Variants in PCDH15 observed in about 807,000 individuals in gnomAD.
The protein encoded by PCDH15 is protocadherin related 15.
PCDH15 carries 129 observed loss-of-function variants against 178.5 expected under a neutral mutation model. The observed-to-expected ratio is 0.72, with a 90% CI of 0.63 to 0.84. The LOEUF (loss-of-function observed/expected upper bound fraction) is 0.84, where lower values mean the gene tolerates loss of function less well. Ranked by LOEUF, PCDH15 falls within the 40% of genes least tolerant of loss-of-function variation. The pLI is 0.00. For missense variants in PCDH15, 2,230 were observed against 2,099.9 expected, an observed-to-expected ratio of 1.06 and a Z score of -1.21; for synonymous variants, 800 against 732.0, an observed-to-expected ratio of 1.09 and a Z score of -1.50.
chr10:55,247,206 T>C (rs114995432), intron 1 of PCDH15, among the ~76,000 whole-genome samples: 2,763 of 152,318 alleles, frequency 0.018, 37 homozygotes, highest in African/African-American at 0.036. Flanking sequence ...TTAGTTTAGA[T>C]TTTTCAACAC....
intron 2 of PCDH15, among the ~76,000 whole-genome samples, chr10:55,552,107 C>A (rs952572716): frequency 6.6e-6 from 1 of 151,776 alleles, no homozygotes; most frequent in Admixed American, 6.6e-5. Flanking sequence ...ATTCATACTG[C>A]GTAGTCAGAC....
rs564575857 is a variant in PCDH15, at chr10:54,026,508, C to G, written c.2221-3311G>C. Among the ~76,000 whole-genome samples the G allele has an allele frequency of 2.0e-5, 3 of 152,266 alleles. No homozygotes were observed. The South Asian group carries it at 6.2e-4, about 32-fold the overall frequency. The stretch of plus-strand genomic sequence containing the variant: ...TAAATTGGTATAAATTACGATATGT[C>G]AAGTACACACACATTTTGACTGAAT... On this transcript the variant is annotated intron_variant, in intron 18 of 37. Coordinates refer to ENST00000644397, the MANE Select transcript of PCDH15 (RefSeq NM_001384140.1).
intron 13 of PCDH15, among the ~76,000 whole-genome samples, chr10:54,161,864 G>A (rs1172782902): frequency 6.6e-6 from 1 of 151,998 alleles, no homozygotes; most frequent in East Asian, 1.9e-4. Context: ...TTGGGGAGAT[G>A]GATTTGAGAC....
intron 3 of PCDH15, among the ~76,000 whole-genome samples, chr10:54,500,785 T>G (rs530632478): frequency 3.3e-4 from 50 of 152,112 alleles, no homozygotes; most frequent in Non-Finnish European, 4.3e-4. Flanking sequence ...ATCATGCCAC[T>G]GCACTCCAGC....
chr10:54,436,751 A>G (rs1470318206), intron 3 of PCDH15, among the ~76,000 whole-genome samples: 6 of 152,212 alleles, frequency 3.9e-5, no homozygotes, highest in Non-Finnish European at 8.8e-5. Flanking sequence ...TTAAGTACCT[A>G]CTAAAGTCTA....
At chr10:54,888,012 T>A (rs1308159744) in intron 3 of PCDH15, among the ~76,000 whole-genome samples, 2 of 152,110 alleles carry the variant, frequency 1.3e-5, no homozygotes, top group Non-Finnish European at 2.9e-5. Flanking sequence ...CCACAATGAG[T>A]ATTTTTTAAA....
intron 1 of PCDH15, among the ~76,000 whole-genome samples, chr10:54,705,839 C>G (rs931065351): frequency 6.6e-6 from 1 of 152,076 alleles, no homozygotes; most frequent in African/African-American, 2.4e-5. Flanking sequence ...TAGTTTTACT[C>G]AAATTATAGG....
At chr10:55,314,306 T>A (rs947451599) in intron 1 of PCDH15, among the ~76,000 whole-genome samples, 1 of 151,462 alleles carries the variant, frequency 6.6e-6, no homozygotes, top group African/African-American at 2.4e-5. Flanking sequence ...TTTCTCTTTA[T>A]ACATTTTCTC....
intron 2 of PCDH15, among the ~76,000 whole-genome samples, chr10:55,444,284 TAA>T (rs76682014): frequency 6.8e-6 from 1 of 146,438 alleles, no homozygotes; most frequent in Non-Finnish European, 1.5e-5. Context: ...AAAGTGTAAT[TAA>T]AAAAAAAAAA....
chr10:54,178,840 G>C (rs1415371991), intron 13 of PCDH15, among the ~76,000 whole-genome samples: 2 of 152,138 alleles, frequency 1.3e-5, no homozygotes, highest in African/African-American at 4.8e-5. Context: ...CTGGCCATCA[G>C]AGAAATGCAA....
intron 2 of PCDH15, among the ~76,000 whole-genome samples, chr10:55,603,193 G>T (rs570106420): frequency 6.6e-6 from 1 of 152,200 alleles, no homozygotes; most frequent in African/African-American, 2.4e-5. Context: ...AGAGAAAAAA[G>T]AATAAAAAGA....
At chr10:53,863,783 C>T (rs1177582585) in intron 27 of PCDH15, among the ~76,000 whole-genome samples, 2 of 152,000 alleles carry the variant, frequency 1.3e-5, no homozygotes, top group South Asian at 2.1e-4. Flanking sequence ...CTAGAGCTGG[C>T]GAGTGGGAAT....
intron 2 of PCDH15, among the ~76,000 whole-genome samples, chr10:55,424,028 A>T (rs961532427): frequency 1.3e-5 from 2 of 152,114 alleles, no homozygotes; most frequent in South Asian, 2.1e-4. Flanking sequence ...AGAAGGTCTA[A>T]TATCTCAAAC....
intron 1 of PCDH15, among the ~76,000 whole-genome samples, chr10:54,766,792 G>A (rs930180669): frequency 6.6e-6 from 1 of 151,936 alleles, no homozygotes; most frequent in Non-Finnish European, 1.5e-5. Context: ...AGCCAGGCGC[G>A]GTGGCAGGCG....
Position 54,231,401 on chromosome 10 carries a change from G to A in PCDH15, c.985+5422C>T, listed in dbSNP as rs183489037. Among the ~76,000 whole-genome samples the A allele has an allele frequency of 7.9e-5, 12 of 152,352 alleles. No individual in the cohort carries two copies. The East Asian group carries it at 1.9e-3, about 24-fold the overall frequency. On this transcript the variant is annotated intron_variant, in intron 9 of 37. Transcript: ENST00000644397. ...TCCACTTACATTTCAAAGGATGTAT[G>A]GAAATGTCTGGATGTCCAGGCAGAA...
chr10:54,007,220 C>T (rs1342904005), intron 20 of PCDH15, among the ~76,000 whole-genome samples: 1 of 152,150 alleles, frequency 6.6e-6, no homozygotes, highest in East Asian at 1.9e-4. Flanking sequence ...GTTTGTAAGG[C>T]TAGTTATCAC....
At chr10:55,123,111 ATATAT>A (rs1837814203) in intron 2 of PCDH15, among the ~76,000 whole-genome samples, 1 of 152,000 alleles carries the variant, frequency 6.6e-6, no homozygotes, top group African/African-American at 2.4e-5. Flanking sequence ...ATTTTATAAG[ATATAT>A]TTAATTTTAA....
chr10:54,594,967 G>A (rs1164308707), intron 2 of PCDH15, among the ~76,000 whole-genome samples: 3 of 152,194 alleles, frequency 2.0e-5, no homozygotes, highest in African/African-American at 7.2e-5. Context: ...GGTGCACACA[G>A]TCCTGCGACC....
chr10:55,158,443 G>A (rs1838957391), intron 2 of PCDH15, among the ~76,000 whole-genome samples: 1 of 151,820 alleles, frequency 6.6e-6, no homozygotes. Flanking sequence ...ACCTTGTGAG[G>A]GGAAATCTTC....
Sources: allele counts gnomAD v4.1 joint callset (sites outside exome capture counted in the v4.1 genomes callset), GRCh38; gene constraint gnomAD v4.1.1; transcripts MANE v1.5; gene names NCBI Gene and HGNC (gene_info 2026-07-23, HGNC 2026-07-21).